Variants in STK32C observed in about 807,000 individuals in gnomAD.
STK32C encodes the protein serine/threonine kinase 32C.
STK32C carries 31 observed loss-of-function variants against 56.5 expected under a neutral mutation model. The ratio of observed to expected loss-of-function variants is 0.55; its 90% CI spans 0.41 to 0.74. STK32C has a LOEUF of 0.74. STK32C is among the 30% of genes least tolerant of loss of function. The pLI, the probability that STK32C is intolerant of heterozygous loss-of-function variation, is 0.00. For missense variants in STK32C, 544 were observed against 676.9 expected (o/e 0.80, Z 2.18); for synonymous variants, 309 against 289.4 (o/e 1.07, Z -0.69).
intron 1 of STK32C, among the ~76,000 whole-genome samples, chr10:132,299,625 C>T (rs2065855524): frequency 6.6e-6 from 1 of 152,248 alleles, no homozygotes; most frequent in South Asian, 2.1e-4. Flanking sequence ...CATTCTGGTC[C>T]CACAGACGTC....
At chr10:132,242,002 C>G (rs541612625) in intron 2 of STK32C, among the ~76,000 whole-genome samples, 63 of 152,096 alleles carry the variant, frequency 4.1e-4, no homozygotes, top group Admixed American at 1.1e-3. Flanking sequence ...CCCAGCTACT[C>G]AGGAGGCTGA....
intron 1 of STK32C, among the ~76,000 whole-genome samples, chr10:132,267,914 A>G (rs561605056): frequency 0.091 from 2,948 of 32,338 alleles, no homozygotes; most frequent in African/African-American, 0.1. Context: ...TGTGTGTGTC[A>G]GTGCGTGTGC....
chr10:132,224,231 C>T (rs1318686430), intron 8 of STK32C, among the ~76,000 whole-genome samples, 176 bp downstream of exon 8: 1 of 152,190 alleles, frequency 6.6e-6, no homozygotes, highest in Non-Finnish European at 1.5e-5. Context: ...CACCAGCTCG[C>T]TTCCTGGGGC....
chr10:132,286,060 A>G (rs1030173406), intron 1 of STK32C, among the ~76,000 whole-genome samples: 1 of 151,886 alleles, frequency 6.6e-6, no homozygotes, highest in Non-Finnish European at 1.5e-5. Flanking sequence ...CGGGAAGTGG[A>G]GCTCGCAGTG....
intron 2 of STK32C, among the ~76,000 whole-genome samples, chr10:132,237,357 G>T (rs868685660): frequency 6.6e-6 from 1 of 152,240 alleles, no homozygotes; most frequent in Non-Finnish European, 1.5e-5. Flanking sequence ...CCATGCACAC[G>T]CCTGTCGAGG....
rs2063671195 is a variant in STK32C at position 132,245,904 on chromosome 10, C to T, written c.314G>A (p.Gly105Asp). ...CCACCCCAGGCCCTGCCTTACCTTG[C>T]CAAAGCTGCCCTTCCCAATGGCCCG... ...ILRAIGKGSF[G>D]KVCIVQKRDT... The change falls in exon 2 of 12, where the codon GGC becomes GAC. Residue 105 changes from glycine to aspartate, a missense_variant. Physicochemically the swap from Gly to Asp is moderately conservative, Grantham distance 94. Around this residue, in one of 3 missense-constraint regions of STK32C, gnomAD observed 182 missense variants for 217.7 expected, o/e 0.84. Coordinates refer to ENST00000298630, the MANE Select transcript of STK32C (RefSeq NM_173575.4). 6.2e-7 allele frequency: 1 copy of T among 1,612,990 alleles called. No homozygotes were observed. The highest frequency in any genetic ancestry group is 1.3e-5 in the African/African-American group (1 of 74,946).
intron 1 of STK32C, among the ~76,000 whole-genome samples, chr10:132,275,942 C>T (rs2064983044): frequency 1.3e-5 from 2 of 152,184 alleles, no homozygotes; most frequent in African/African-American, 4.8e-5. Context: ...CCTCAGCCCC[C>T]CACCCCGCAA....
chr10:132,265,835 C>G (rs558120849), intron 1 of STK32C, among the ~76,000 whole-genome samples: 2 of 152,294 alleles, frequency 1.3e-5, no homozygotes, highest in Non-Finnish European at 1.5e-5. Flanking sequence ...CCCCGGACAG[C>G]CAGGGAGAGG....
At chr10:132,242,647 C>A (rs1283059114) in intron 2 of STK32C, among the ~76,000 whole-genome samples, 1 of 152,224 alleles carries the variant, frequency 6.6e-6, no homozygotes, top group Non-Finnish European at 1.5e-5. Flanking sequence ...TGTGTGCCCC[C>A]CATGCGGCCC....
intron 1 of STK32C, among the ~76,000 whole-genome samples, chr10:132,292,001 C>T (rs1002999956): frequency 1.3e-5 from 2 of 152,136 alleles, no homozygotes. Flanking sequence ...CACTTCCCAC[C>T]GTTGCACTGA....
chr10:132,260,516 G>T (rs1000433623), intron 1 of STK32C, among the ~76,000 whole-genome samples: 2 of 152,220 alleles, frequency 1.3e-5, no homozygotes, highest in South Asian at 4.1e-4. Context: ...GTCTTGGGAT[G>T]CTGGGCACCG....
exon 1 of STK32C, chr10:132,331,516 C>T (rs754432615): frequency 5.0e-6 from 8 of 1,612,962 alleles, no homozygotes; most frequent in Non-Finnish European, 6.8e-6. Flanking sequence ...CTGCGTTCCC[C>T]TGGCAGCAAG....
rs1276364338 is a variant in STK32C at position 132,222,722 on chromosome 10, C to G, written c.1170G>C (p.Leu390=). The change falls in exon 10 of 12, where the codon CTG becomes CTC. Residue 390 remains leucine (L), a synonymous_variant. Transcript: ENST00000298630. ...DPTFELEEMI[L]ESRPLHKKKK... ...TCTTCTTGTGCAGGGGCCTGGACTC[C>G]AGGATCATCTCCTCCAGCTCAAAGG... The G allele has an allele frequency of 6.8e-6, 11 of 1,611,026 alleles. No individual in the cohort carries two copies. The highest frequency in any genetic ancestry group is 9.3e-6 in the Non-Finnish European group (11 of 1,178,878).
In STK32C at chr10:132,223,205, C is replaced by T. The variant is rs1352006771; in HGVS notation, c.994-219G>A. Among the ~76,000 whole-genome samples, 3 of 152,210 alleles carry T rather than the reference C, an allele frequency of 2.0e-5. No individual in the cohort carries two copies. The East Asian group carries it at 5.8e-4, about 29-fold the overall frequency. The stretch of plus-strand genomic sequence containing the variant: ...ATGTGGCCCAAGGGACGCCTGTTCT[C>T]AGTGCTGCTACCTAAACCCCTGGCG... On this transcript the variant is annotated intron_variant, in intron 8 of 11. Coordinates refer to ENST00000298630, the MANE Select transcript of STK32C (RefSeq NM_173575.4).
chr10:132,269,815 C>T (rs1177812837), intron 1 of STK32C, among the ~76,000 whole-genome samples: 1 of 152,234 alleles, frequency 6.6e-6, no homozygotes, highest in Non-Finnish European at 1.5e-5. Flanking sequence ...GCAGTTCTCC[C>T]AAGCCTGAGA....
chr10:132,238,287 G>A (rs899087606), intron 2 of STK32C, among the ~76,000 whole-genome samples: 3 of 152,230 alleles, frequency 2.0e-5, no homozygotes, highest in East Asian at 3.8e-4. Flanking sequence ...GCTTTAAAAT[G>A]TAGGTTTTAT....
chr10:132,213,532 TACATAAACCTCAC>T (rs1228097002), intron 10 of STK32C, among the ~76,000 whole-genome samples: 2 of 152,234 alleles, frequency 1.3e-5, no homozygotes, highest in Non-Finnish European at 2.9e-5. Context: ...CTGGCCAGAT[TACATAAACCTCAC>T]ACTAAAGGCC....
rs1414170431 is a variant in STK32C, at chr10:132,255,663, C to T, written c.263-9708G>A. ...CCCTCAACCCTTGCTGAGCCCCACG[C>T]GGTTTCCTGCACCACTGAGGATGTG... On this transcript the variant is annotated intron_variant, in intron 1 of 11. Coordinates refer to ENST00000298630, the MANE Select transcript of STK32C (RefSeq NM_173575.4). The surrounding 1 kb of genome is among the most constrained non-coding windows in gnomAD (Gnocchi z 4.6). Among the ~76,000 whole-genome samples, 2 of 152,180 alleles carry T rather than the reference C, an allele frequency of 1.3e-5. No homozygotes were observed. Among genetic ancestry groups the T allele is most frequent in the African/African-American group, 2.4e-5 (1 of 41,438 alleles).
At chr10:132,266,661 G>A (rs2064541632) in intron 1 of STK32C, among the ~76,000 whole-genome samples, 1 of 152,054 alleles carries the variant, frequency 6.6e-6, no homozygotes. Context: ...GAGCCCTGGG[G>A]GAGGAACGAG....
Sources: allele counts gnomAD v4.1 joint callset (sites outside exome capture counted in the v4.1 genomes callset), GRCh38; gene constraint gnomAD v4.1.1; regional missense constraint gnomAD v4.1.1; non-coding constraint Gnocchi (gnomAD v3.1); transcripts MANE v1.5; gene names NCBI Gene and HGNC (gene_info 2026-07-23, HGNC 2026-07-21).